GHR: variants seen among roughly 807,000 people sequenced by gnomAD.
The protein encoded by GHR is GH receptor.
A neutral mutation model predicts 67.1 loss-of-function variants in GHR; 35 were observed. That is an observed-to-expected ratio of 0.52 (90% confidence interval 0.40 to 0.69). The LOEUF is 0.69. Among genes scored for constraint, GHR ranks in the 30% least tolerant of loss-of-function variants. The pLI, the probability that GHR is intolerant of heterozygous loss-of-function variation, is 0.00. For synonymous variants in GHR, 272 were observed against 269.1 expected, an observed-to-expected ratio of 1.01 and a Z score of -0.10; for missense variants, 792 against 764.6, an observed-to-expected ratio of 1.04 and a Z score of -0.42.
At chr5:42,516,656 G>A (rs1395019036) in intron 1 of GHR, among the ~76,000 whole-genome samples, 2 of 152,170 alleles carry the variant, frequency 1.3e-5, no homozygotes, top group Non-Finnish European at 2.9e-5. Flanking sequence ...GAAAGTGGAA[G>A]AATCTCAAAT....
intron 3 of GHR, among the ~76,000 whole-genome samples, chr5:42,687,458 G>A (rs569293936): frequency 2.4e-4 from 37 of 152,270 alleles, no homozygotes; most frequent in African/African-American, 8.7e-4. Context: ...GCTTTTGCTA[G>A]AATGGAAACT....
chr5:42,717,807 T>G (rs1377099998), intron 8 of GHR, among the ~76,000 whole-genome samples: 1 of 152,158 alleles, frequency 6.6e-6, no homozygotes, highest in Non-Finnish European at 1.5e-5. Flanking sequence ...AAAACCACAT[T>G]TTCTTTTAAT....
chr5:42,638,096 C>T (rs971657139), intron 3 of GHR, among the ~76,000 whole-genome samples: 6 of 152,112 alleles, frequency 3.9e-5, no homozygotes, highest in African/African-American at 1.2e-4. Flanking sequence ...TGCACCACCA[C>T]GCCCGGCAAA....
chr5:42,525,246 C>T (rs1194914038), intron 1 of GHR, among the ~76,000 whole-genome samples: 4 of 152,190 alleles, frequency 2.6e-5, no homozygotes, highest in Non-Finnish European at 5.9e-5. Flanking sequence ...CAGAGTAGAG[C>T]CGCCCAAGAC....
At chr5:42,668,120 T>C (rs1011929271) in intron 3 of GHR, among the ~76,000 whole-genome samples, 2 of 152,164 alleles carry the variant, frequency 1.3e-5, no homozygotes, top group Non-Finnish European at 2.9e-5. Context: ...TGTTGATTAA[T>C]TGAAACAGGG....
At chr5:42,558,132 G>A (rs373684378) in intron 1 of GHR, among the ~76,000 whole-genome samples, 5 of 152,118 alleles carry the variant, frequency 3.3e-5, no homozygotes, top group African/African-American at 9.6e-5. Context: ...GATTCAAATC[G>A]GGACATAATA....
rs78910099 is a variant in GHR at position 42,634,012 on chromosome 5, G to T, written c.136+4909G>T. On this transcript the variant is annotated intron_variant, in intron 3 of 9. Transcript: ENST00000230882. The stretch of plus-strand genomic sequence containing the variant: ...GCCTTTTTTTCCTCTCTCGCAAGGA[G>T]AGAGAGCGTAGCACCGCAGTTTAAG... Among the ~76,000 whole-genome samples the T allele has an allele frequency of 2.5e-3, 385 of 152,258 alleles. 2 individuals carry two copies. The highest frequency in any genetic ancestry group is 4.2e-3 in the Non-Finnish European group (284 of 68,020).
At chr5:42,665,160 C>G (rs917586322) in intron 3 of GHR, among the ~76,000 whole-genome samples, 1 of 152,112 alleles carries the variant, frequency 6.6e-6, no homozygotes, top group Non-Finnish European at 1.5e-5. Flanking sequence ...GGACTGTAAA[C>G]TAGTTCAACC....
At chr5:42,572,854 C>A (rs1750409683) in intron 2 of GHR, among the ~76,000 whole-genome samples, 1 of 152,102 alleles carries the variant, frequency 6.6e-6, no homozygotes, top group Non-Finnish European at 1.5e-5. Context: ...AAGCAGGACA[C>A]AGGATTGGCA....
intron 2 of GHR, among the ~76,000 whole-genome samples, chr5:42,621,732 T>C (rs1398552617): frequency 1.3e-5 from 2 of 152,188 alleles, no homozygotes; most frequent in Non-Finnish European, 2.9e-5. Context: ...CTGTAAAGCA[T>C]TAAAAAGTGT....
intron 2 of GHR, among the ~76,000 whole-genome samples, chr5:42,571,361 A>C (rs1750302313): frequency 6.6e-6 from 1 of 152,244 alleles, no homozygotes; most frequent in Non-Finnish European, 1.5e-5. Flanking sequence ...GAGGGTCTAC[A>C]GCAAGGACAA....
intron 3 of GHR, among the ~76,000 whole-genome samples, chr5:42,682,321 A>G (rs771601414): frequency 6.6e-6 from 1 of 152,240 alleles, no homozygotes; most frequent in Non-Finnish European, 1.5e-5. Context: ...TTTAGATTTA[A>G]TCTTTAAAAA....
At chr5:42,559,656 A>T (rs1749496464) in intron 1 of GHR, among the ~76,000 whole-genome samples, 1 of 152,246 alleles carries the variant, frequency 6.6e-6, no homozygotes, top group Admixed American at 6.5e-5. Context: ...TTACACATTT[A>T]AAATTCCCAT....
chr5:42,424,865 C>A lies in GHR; in HGVS notation c.-12+910C>A. ...CGAGCTGCGGGGGCTCTCGGTCTGGCGCGGACTGTGTGTCCTGAATGAGTG... is the reference window on the plus strand; with the variant it reads ...CGAGCTGCGGGGGCTCTCGGTCTGGAGCGGACTGTGTGTCCTGAATGAGTG... On this transcript the variant is annotated intron_variant, in intron 1 of 9. Transcript: ENST00000230882. The surrounding 1 kb of genome is among the most constrained non-coding windows in gnomAD (Gnocchi z 4.1). The A allele has an allele frequency of 7.9e-6, 3 of 377,618 alleles. No homozygotes were observed. Among genetic ancestry groups the A allele is most frequent in the Non-Finnish European group, 1.1e-5 (3 of 274,252 alleles). The allele number at this position is 377,618 out of a possible 1,614,324, so 23.4% of individuals were successfully genotyped here.
intron 1 of GHR, among the ~76,000 whole-genome samples, chr5:42,512,575 G>A (rs1459761522): frequency 6.6e-6 from 1 of 152,096 alleles, no homozygotes; most frequent in Non-Finnish European, 1.5e-5. Flanking sequence ...CCTGTCCCCA[G>A]TACTCAGATA....
intron 4 of GHR, among the ~76,000 whole-genome samples, chr5:42,692,920 C>G (rs949859269): frequency 6.6e-6 from 1 of 152,190 alleles, no homozygotes; most frequent in Non-Finnish European, 1.5e-5. Flanking sequence ...TACAACTACT[C>G]TCTTTAATGC....
At chr5:42,641,831 C>A (rs1050682692) in intron 3 of GHR, among the ~76,000 whole-genome samples, 2 of 152,106 alleles carry the variant, frequency 1.3e-5, no homozygotes, top group South Asian at 2.1e-4. Flanking sequence ...AACCAGAAAA[C>A]CAGAGGAATA....
chr5:42,668,688 C>A (rs986753149), intron 3 of GHR, among the ~76,000 whole-genome samples: 1 of 152,034 alleles, frequency 6.6e-6, no homozygotes, highest in Admixed American at 6.6e-5. Flanking sequence ...TCTGTTCCTG[C>A]GTTTTGGAGG....
Position 42,718,628 on chromosome 5 carries a change from A to G in GHR, c.1121A>G (p.His374Arg). 6.2e-7 allele frequency: 1 copy of G among 1,614,150 alleles called. No homozygotes were observed. The highest frequency in any genetic ancestry group is 8.5e-7 in the Non-Finnish European group (1 of 1,179,980). The change falls in exon 10 of 10, where the codon CAT becomes CGT. Residue 374 changes from histidine to arginine, a missense_variant. Physicochemically the swap from His to Arg is conservative, Grantham distance 29. Coordinates refer to ENST00000230882, the MANE Select transcript of GHR (RefSeq NM_000163.5). Reference protein sequence around the residue: ...RLLSSDHEKSHSNLGVKDGDS... With the variant: ...RLLSSDHEKSRSNLGVKDGDS... ...CTAAGCAGTGACCATGAGAAATCAC[A>G]TAGTAACCTAGGGGTGAAGGATGGC...
Sources: gnomAD v4.1 joint callset for allele counts (sites outside exome capture counted in the v4.1 genomes callset) on GRCh38, gnomAD v4.1.1 for gene constraint, Gnocchi (gnomAD v3.1) non-coding constraint, MANE v1.5 for transcripts, NCBI Gene and HGNC (gene_info 2026-07-23, HGNC 2026-07-21) for gene names.